SPOCK3: variants seen among roughly 807,000 people sequenced by gnomAD.
SPOCK3 encodes the protein testican-3.
Under a neutral mutation model 56.6 loss-of-function variants are expected in SPOCK3, and 30 were observed. That is an observed-to-expected ratio of 0.53 (90% CI 0.40 to 0.72). The LOEUF (loss-of-function observed/expected upper bound fraction) is 0.72. SPOCK3 is among the 30% of genes least tolerant of loss of function. SPOCK3 has a pLI of 0.00. For synonymous variants in SPOCK3, 196 were observed against 183.3 expected (o/e 1.07, Z -0.56); for missense variants, 527 against 530.0 (o/e 0.99, Z 0.06).
intron 7 of SPOCK3, among the ~76,000 whole-genome samples, chr4:166,773,692 T>C (rs745244): frequency 0.33 from 49,471 of 152,046 alleles, 8,198 homozygotes; most frequent in Admixed American, 0.39. Context: ...CAGCTCTTTA[T>C]GGGTGCTGAT....
intron 3 of SPOCK3, among the ~76,000 whole-genome samples, chr4:167,017,366 A>T (rs1219873311): frequency 6.6e-6 from 1 of 152,092 alleles, no homozygotes; most frequent in Non-Finnish European, 1.5e-5. Flanking sequence ...TGCACTTTTA[A>T]GGCCACCTCA....
intron 3 of SPOCK3, 64 bp from the exon 4 acceptor site, chr4:167,000,527 C>G (rs1748844755): frequency 5.2e-6 from 4 of 764,538 alleles, no homozygotes; most frequent in Non-Finnish European, 8.8e-6. Flanking sequence ...CAAATCCCAT[C>G]AAACACAATT....
intron 4 of SPOCK3, among the ~76,000 whole-genome samples, chr4:166,921,968 C>T (rs1043574116): frequency 2.0e-5 from 3 of 152,126 alleles, no homozygotes; most frequent in Admixed American, 6.5e-5. Flanking sequence ...GCCCAGTAGC[C>T]GTCACCTGTT....
rs570995688 is a variant in SPOCK3 at position 166,744,016 on chromosome 4, C to T, written c.932-1957G>A. On this transcript the variant is annotated intron_variant, in intron 8 of 10. Coordinates refer to ENST00000357545, the MANE Select transcript of SPOCK3 (RefSeq NM_001040159.2). ...GAGGCCTCCCTGCCTCTGTAGACTC[C>T]ACCTCTGAGGGCAGGGCATAGCTGA... is the stretch of plus-strand genomic sequence containing the variant. Among the ~76,000 whole-genome samples the T allele has an allele frequency of 3.2e-3, 480 of 152,300 alleles. 2 individuals carry two copies. Among genetic ancestry groups the T allele is most frequent in the African/African-American group, 0.011 (456 of 41,584 alleles).
chr4:166,744,956 C>T (rs566141744), intron 8 of SPOCK3, among the ~76,000 whole-genome samples: 18 of 151,892 alleles, frequency 1.2e-4, no homozygotes, highest in Middle Eastern at 3.4e-3. Flanking sequence ...TAAAAATAAA[C>T]GAACAAAGCC....
intron 2 of SPOCK3, among the ~76,000 whole-genome samples, chr4:167,206,052 A>AT (rs922068074): frequency 1.3e-5 from 2 of 152,050 alleles, no homozygotes; most frequent in African/African-American, 4.8e-5. Flanking sequence ...ATAATTTTAG[A>AT]TTTTTTAAAG....
At chr4:167,225,304 G>T (rs982839427) in intron 2 of SPOCK3, among the ~76,000 whole-genome samples, 3 of 151,976 alleles carry the variant, frequency 2.0e-5, no homozygotes, top group Non-Finnish European at 4.4e-5. Context: ...ATATATATTT[G>T]GAGGTGGGAG....
chr4:166,956,220 T>TACACACACAC (rs70957803), intron 4 of SPOCK3, among the ~76,000 whole-genome samples: 15,939 of 149,636 alleles, frequency 0.11, 937 homozygotes, highest in African/African-American at 0.15. Context: ...ACCACACACA[T>TACACACACAC]ACACACACAC....
chr4:167,139,957 C>T (rs1763401398), intron 2 of SPOCK3, among the ~76,000 whole-genome samples: 1 of 152,008 alleles, frequency 6.6e-6, no homozygotes, highest in South Asian at 2.1e-4. Context: ...AAGTAGGCAG[C>T]CCCTCTTACC....
At chr4:166,983,632 A>G (rs1327284120) in intron 4 of SPOCK3, among the ~76,000 whole-genome samples, 1 of 152,112 alleles carries the variant, frequency 6.6e-6, no homozygotes, top group Non-Finnish European at 1.5e-5. Context: ...AGGATTTTGA[A>G]TGCTCTCAAC....
chr4:166,981,554 G>T (rs1746573286), intron 4 of SPOCK3, among the ~76,000 whole-genome samples: 1 of 152,124 alleles, frequency 6.6e-6, no homozygotes, highest in African/African-American at 2.4e-5. Context: ...GGGTTTTTAT[G>T]GGCTCAGAAG....
chr4:166,965,877 T>C (rs542966469), intron 4 of SPOCK3, among the ~76,000 whole-genome samples: 2 of 152,204 alleles, frequency 1.3e-5, no homozygotes, highest in African/African-American at 4.8e-5. Context: ...TTGTTTACAT[T>C]AATATTCACT....
At chr4:167,184,087 T>C (rs1040803186) in intron 2 of SPOCK3, among the ~76,000 whole-genome samples, 3 of 152,202 alleles carry the variant, frequency 2.0e-5, no homozygotes, top group African/African-American at 7.2e-5. Context: ...TGAAAGAAAT[T>C]GTTCTCTTTA....
At chr4:166,801,914 T>G (rs1361740191) in intron 6 of SPOCK3, among the ~76,000 whole-genome samples, 1 of 151,952 alleles carries the variant, frequency 6.6e-6, no homozygotes, top group African/African-American at 2.4e-5. Context: ...CACTGCACAA[T>G]GAAAGAAAGC....
chr4:166,899,203 C>T (rs939749068), intron 5 of SPOCK3, among the ~76,000 whole-genome samples: 1 of 151,700 alleles, frequency 6.6e-6, no homozygotes, highest in Non-Finnish European at 1.5e-5. Flanking sequence ...TTGTTAGCCT[C>T]CATTACCACG....
intron 2 of SPOCK3, among the ~76,000 whole-genome samples, chr4:167,064,736 A>T (rs1483551363): frequency 1.3e-5 from 2 of 151,794 alleles, no homozygotes; most frequent in East Asian, 3.9e-4. Flanking sequence ...TTTAGAAAAG[A>T]TGATGGCCTA....
chr4:167,109,664 C>G (rs1234197660), intron 2 of SPOCK3, among the ~76,000 whole-genome samples: 1 of 146,326 alleles, frequency 6.8e-6, no homozygotes, highest in South Asian at 2.1e-4. Flanking sequence ...ACTTGTTTTA[C>G]AAAGAGAAAC....
chr4:167,229,287 G>A (rs1269921843), intron 2 of SPOCK3, among the ~76,000 whole-genome samples: 2 of 152,046 alleles, frequency 1.3e-5, no homozygotes, highest in African/African-American at 4.8e-5. Flanking sequence ...TTGCCAGAAA[G>A]GAGGATCCCT....
chr4:166,845,921 C>T (rs1367967246), intron 6 of SPOCK3, among the ~76,000 whole-genome samples: 2 of 152,124 alleles, frequency 1.3e-5, no homozygotes, highest in Non-Finnish European at 2.9e-5. Context: ...AGAGAGTATA[C>T]CCTGTATGGT....
Sources: allele counts gnomAD v4.1 joint callset (sites outside exome capture counted in the v4.1 genomes callset), GRCh38; gene constraint gnomAD v4.1.1; transcripts MANE v1.5; gene names NCBI Gene and HGNC (gene_info 2026-07-23, HGNC 2026-07-21).